Variants in GCH1 observed in about 807,000 individuals in gnomAD.
The protein encoded by GCH1 is GTP cyclohydrolase 1.
In GCH1, 5 loss-of-function variants were observed where a neutral mutation model predicts 25.9. That is an observed-to-expected ratio of 0.19 (90% confidence interval 0.10 to 0.41). The LOEUF (loss-of-function observed/expected upper bound fraction) is 0.41, where lower values mean the gene tolerates loss of function less well. Among genes scored for constraint, GCH1 ranks in the 10% least tolerant of loss-of-function variants. The pLI is 1.00. For missense variants in GCH1, 261 were observed against 336.5 expected (o/e 0.78, Z 1.75); for synonymous variants, 159 against 129.6 (o/e 1.23, Z -1.54).
intron 2 of GCH1, among the ~76,000 whole-genome samples, chr14:54,862,797 T>C (rs549052210): frequency 1.3e-5 from 2 of 152,158 alleles, no homozygotes; most frequent in East Asian, 1.9e-4. Context: ...CCTAGTCTTA[T>C]GAAACTTTAG....
intron 1 of GCH1, among the ~76,000 whole-genome samples, chr14:54,869,894 G>A (rs2040044510): frequency 6.6e-6 from 1 of 152,174 alleles, no homozygotes; most frequent in Non-Finnish European, 1.5e-5. Flanking sequence ...TAATAACATG[G>A]TTTGAGTCTC....
intron 3 of GCH1, among the ~76,000 whole-genome samples, chr14:54,854,089 T>C (rs1294477341): frequency 6.6e-6 from 1 of 152,244 alleles, no homozygotes; most frequent in Non-Finnish European, 1.5e-5. Flanking sequence ...GATATCAGAC[T>C]CCCCAGCAAC....
At chr14:54,858,030 T>C (rs2140060475) in intron 3 of GCH1, among the ~76,000 whole-genome samples, 1 of 152,324 alleles carries the variant, frequency 6.6e-6, no homozygotes, top group Non-Finnish European at 1.5e-5. Flanking sequence ...TTGTCTCTTC[T>C]ACCCACTTTC....
chr14:54,847,234 C>A, intron 3 of GCH1, 104 bp from the exon 4 acceptor site: 1 of 556,590 alleles, frequency 1.8e-6, no homozygotes, highest in Non-Finnish European at 3.3e-6. Flanking sequence ...AAGTGGGCTG[C>A]AAGAGGAAAT....
intron 1 of GCH1, among the ~76,000 whole-genome samples, chr14:54,872,621 C>T (rs1286666970): frequency 1.3e-5 from 2 of 152,144 alleles, no homozygotes; most frequent in Non-Finnish European, 2.9e-5. Context: ...TGCAGAGACA[C>T]ACATAGGCTC....
intron 1 of GCH1, among the ~76,000 whole-genome samples, chr14:54,883,944 C>T (rs903884510): frequency 1.3e-5 from 2 of 152,136 alleles, no homozygotes; most frequent in Non-Finnish European, 2.9e-5. Context: ...TTTGCTGGAG[C>T]AAAGTTTAAA....
chr14:54,871,548 C>G (rs554361114), intron 1 of GCH1, among the ~76,000 whole-genome samples: 160 of 152,266 alleles, frequency 1.1e-3, no homozygotes, highest in Non-Finnish European at 1.7e-3. Context: ...ACAAACTACT[C>G]CAAGCTAAAG....
chr14:54,843,932 A>G lies in GCH1; in HGVS notation c.*85T>C. The stretch of plus-strand genomic sequence containing the variant: ...AAAGTTCACATCTGTAACAATTGAA[A>G]ATGGAATGTACAAACAAGACCGGAC... On this transcript the variant is annotated 3_prime_UTR_variant, in exon 6 of 6. Coordinates refer to ENST00000491895, the MANE Select transcript of GCH1 (RefSeq NM_000161.3). 6.2e-7 allele frequency: 1 copy of G among 1,613,356 alleles called. No individual in the cohort carries two copies. The highest frequency in any genetic ancestry group is 8.5e-7 in the Non-Finnish European group (1 of 1,179,682).
intron 2 of GCH1, among the ~76,000 whole-genome samples, chr14:54,863,711 T>G (rs535003849): frequency 7.8e-4 from 119 of 152,164 alleles, no homozygotes; most frequent in African/African-American, 2.7e-3. Context: ...TTACATATAG[T>G]TGAAAAACAA....
chr14:54,842,704 A>G lies in GCH1; in HGVS notation c.*1313T>C. 3.5e-6 allele frequency: 1 copy of G among 287,806 alleles called. No individual in the cohort carries two copies. The highest frequency in any genetic ancestry group is 6.4e-6 in the Non-Finnish European group (1 of 156,912). The allele number at this position is 287,806 out of a possible 1,614,324, so 17.8% of individuals were successfully genotyped here. A position where few individuals can be genotyped will look rare whatever the true frequency, so the allele number is the denominator to read the frequency against. On this transcript the variant is annotated 3_prime_UTR_variant, in exon 6 of 6. Coordinates refer to ENST00000491895, the MANE Select transcript of GCH1 (RefSeq NM_000161.3). ...GGATGAATTTGAAGAGCACTATGTCAACCAAATACTAAACTTCATGGAATA... is the reference window on the plus strand; with the variant it reads ...GGATGAATTTGAAGAGCACTATGTCGACCAAATACTAAACTTCATGGAATA...
At chr14:54,860,689 T>C (rs190477412) in intron 2 of GCH1, among the ~76,000 whole-genome samples, 1 of 152,046 alleles carries the variant, frequency 6.6e-6, no homozygotes, top group Admixed American at 6.6e-5. Flanking sequence ...TACAGGCGCC[T>C]GCCACCACAC....
intron 3 of GCH1, among the ~76,000 whole-genome samples, chr14:54,849,855 TA>T (rs1176604112): frequency 6.6e-6 from 1 of 152,232 alleles, no homozygotes; most frequent in Non-Finnish European, 1.5e-5. Flanking sequence ...AATCTATGTC[TA>T]ATCTATTTAA....
chr14:54,898,287 A>G (rs958316986), intron 1 of GCH1, among the ~76,000 whole-genome samples: 1 of 152,232 alleles, frequency 6.6e-6, no homozygotes, highest in African/African-American at 2.4e-5. Context: ...AAAATATAGT[A>G]GAAAAGACTT....
At chr14:54,879,277 C>T (rs756587630) in intron 1 of GCH1, among the ~76,000 whole-genome samples, 5 of 151,740 alleles carry the variant, frequency 3.3e-5, no homozygotes, top group Non-Finnish European at 5.9e-5. Context: ...AAAAATTAGC[C>T]GGATGTGGTG....
In GCH1 at chr14:54,886,378, C is replaced by T. The variant is rs369002930; in HGVS notation, c.343+15943G>A. On this transcript the variant is annotated intron_variant, in intron 1 of 5. Transcript: ENST00000491895. ...CTGTAATCCCCGCACTTTGGGAGGC[C>T]GAGGCCGGTGGATCACGAGGTCAGG... 3.3e-5 allele frequency among the ~76,000 whole-genome samples: 5 copies of T among 150,928 alleles called. No individual in the cohort carries two copies. In the East Asian group the frequency reaches 5.8e-4, roughly 18 times the overall value.
In GCH1 at chr14:54,851,966, T is replaced by C. The variant is rs139564730; in HGVS notation, c.510-4836A>G. ...CTACTCACAATAGTAATTTTTGTAT[T>C]TTTAGTAGAGATGGTGTTTCACCAT... is the stretch of plus-strand genomic sequence containing the variant. On this transcript the variant is annotated intron_variant, in intron 3 of 5. Coordinates refer to ENST00000491895, the MANE Select transcript of GCH1 (RefSeq NM_000161.3). Among the ~76,000 whole-genome samples, 1,333 of 152,306 alleles carry C rather than the reference T, an allele frequency of 8.8e-3. 21 individuals carry two copies. The highest frequency in any genetic ancestry group is 0.031 in the African/African-American group (1,279 of 41,542).
chr14:54,857,686 A>AT (rs1254320876), intron 3 of GCH1, among the ~76,000 whole-genome samples: 1 of 152,272 alleles, frequency 6.6e-6, no homozygotes, highest in Admixed American at 6.5e-5. Flanking sequence ...AACCAATTTT[A>AT]GTAAAGATAC....
chr14:54,873,764 G>C (rs947442137), intron 1 of GCH1, among the ~76,000 whole-genome samples: 6 of 152,028 alleles, frequency 3.9e-5, no homozygotes, highest in African/African-American at 1.4e-4. Flanking sequence ...ATAAATTCCT[G>C]GACACACACA....
chr14:54,862,795 T>C (rs963667342), intron 2 of GCH1, among the ~76,000 whole-genome samples: 1 of 151,986 alleles, frequency 6.6e-6, no homozygotes, highest in Non-Finnish European at 1.5e-5. Context: ...GCCCTAGTCT[T>C]ATGAAACTTT....
Sources: gnomAD v4.1 joint callset for allele counts (sites outside exome capture counted in the v4.1 genomes callset) on GRCh38, gnomAD v4.1.1 for gene constraint, MANE v1.5 for transcripts, NCBI Gene and HGNC (gene_info 2026-07-23, HGNC 2026-07-21) for gene names.